The following ABCA6 variants were observed in gnomAD, a reference collection of about 807,000 sequenced individuals.
The protein encoded by ABCA6 is ATP-binding cassette sub-family A member 6.
ABCA6 carries 164 observed loss-of-function variants against 191.2 expected under a neutral mutation model. The observed-to-expected ratio is 0.86, with a 90% CI of 0.76 to 0.98. The LOEUF (loss-of-function observed/expected upper bound fraction) is 0.98. Among genes scored for constraint, ABCA6 ranks in the 50% least tolerant of loss-of-function variants. The pLI is 0.00. For missense variants in ABCA6, 1,958 were observed against 1,894.1 expected, an observed-to-expected ratio of 1.03 and a Z score of -0.63; for synonymous variants, 636 against 647.7, an observed-to-expected ratio of 0.98 and a Z score of 0.27.
chr17:69,134,000 C>G, intron 5 of ABCA6, 133 bp from the exon 6 acceptor site: 1 of 585,590 alleles, frequency 1.7e-6, no homozygotes, highest in Non-Finnish European at 2.9e-6. Flanking sequence ...GCAAGATGTT[C>G]CCAGTAAAGG....
At position 69,102,826 on chromosome 17, in the gene ABCA6, C is replaced by T. The variant is rs756626734; in HGVS notation, c.2874+9G>A. The T allele has an allele frequency of 1.9e-6, 3 of 1,566,620 alleles. No individual in the cohort carries two copies. Among genetic ancestry groups the T allele is most frequent in the Admixed American group, 2.1e-5 (1 of 47,830 alleles). On this transcript the variant is annotated intron_variant, in intron 21 of 38. Transcript: ENST00000284425. Reference sequence around the variant, plus strand: ...TGTTTTTTTCATAAAAGCAAAAAGGCAAACATACCTTTTGTTTACCAGAAA... The same window carrying T: ...TGTTTTTTTCATAAAAGCAAAAAGGTAAACATACCTTTTGTTTACCAGAAA...
At chr17:69,130,470 T>C (rs981200153) in intron 6 of ABCA6, among the ~76,000 whole-genome samples, 2 of 152,174 alleles carry the variant, frequency 1.3e-5, no homozygotes, top group Non-Finnish European at 2.9e-5. Flanking sequence ...AATAATATCA[T>C]ATGTATGTAT....
Position 69,086,752 on chromosome 17 carries a change from C to T in ABCA6, c.3820-17G>A. ...AACAGGTTTCTAGAAGAGATGACAG[C>T]ATGATTTTCCTCTTAAATTTCAGAG... On this transcript the variant is annotated splice_polypyrimidine_tract_variant and intron_variant, in intron 29 of 38. Transcript: ENST00000284425. The T allele has an allele frequency of 6.5e-7, 1 of 1,549,324 alleles. No individual in the cohort carries two copies. Among genetic ancestry groups the T allele is most frequent in the Non-Finnish European group, 8.9e-7 (1 of 1,127,958 alleles).
intron 3 of ABCA6, 22 bp from the exon 4 acceptor site, chr17:69,136,272 TA>T (rs1315622876): frequency 1.8e-5 from 26 of 1,461,142 alleles, no homozygotes; most frequent in Non-Finnish European, 2.3e-5. Flanking sequence ...AAGGTAAAAA[TA>T]GACATAGAAA....
At chr17:69,132,456 T>TTTTGTTTTTGTTTG (rs1263920883) in intron 6 of ABCA6, among the ~76,000 whole-genome samples, 25 of 152,112 alleles carry the variant, frequency 1.6e-4, no homozygotes, top group East Asian at 1.9e-4. Flanking sequence ...GGTGTTTTGT[T>TTTTGTTTTTGTTTG]TTTGTTTTTG....
At chr17:69,118,381 A>G (rs958862189) in intron 10 of ABCA6, among the ~76,000 whole-genome samples, 1 of 152,058 alleles carries the variant, frequency 6.6e-6, no homozygotes, top group Non-Finnish European at 1.5e-5. Flanking sequence ...GTTCTCTCTA[A>G]TAGTTCCTCT....
Position 69,106,086 on chromosome 17 carries a change from C to A in ABCA6, c.2515G>T (p.Ala839Ser), listed in dbSNP as rs746296259. 3.7e-6 allele frequency: 6 copies of A among 1,613,702 alleles called. No homozygotes were observed. In the Admixed American group the frequency reaches 1.0e-4, roughly 27 times the overall value. The change falls in exon 19 of 39, where the codon GCC becomes TCC. Residue 839 changes from alanine to serine, a missense_variant. Physicochemically the swap from Ala to Ser is moderately conservative, Grantham distance 99. Coordinates refer to ENST00000284425, the MANE Select transcript of ABCA6 (RefSeq NM_080284.3). Reference protein sequence around the residue: ...DMGLWRMQVFAMARLRFLKLK... With the variant: ...DMGLWRMQVFSMARLRFLKLK... ...TTTAAGAAACGGAGCCGTGCCATGG[C>A]AAAGACTTGCATTCTCCAGAGGCCC... is the stretch of plus-strand genomic sequence containing the variant.
At chr17:69,084,664 G>A (rs2072731399) in intron 32 of ABCA6, among the ~76,000 whole-genome samples, 157 bp from the exon 33 acceptor site, 1 of 108,954 alleles carries the variant, frequency 9.2e-6, no homozygotes, top group South Asian at 3.0e-4. Flanking sequence ...TTTGGAACAT[G>A]AAAGACTTTT....
chr17:69,092,909 A>T (rs1185594763), intron 25 of ABCA6, among the ~76,000 whole-genome samples: 2 of 152,254 alleles, frequency 1.3e-5, no homozygotes, highest in Non-Finnish European at 2.9e-5. Context: ...CATATTTAGA[A>T]ATAAATTATA....
At position 69,128,648 on chromosome 17, in the gene ABCA6, G is replaced by A. The variant is rs918951671; in HGVS notation, c.1090C>T (p.Pro364Ser). ...ATCATTCCAGTAGTAAAGGCAAAAG[G>A]GCTACAAATATTCAAAATCCACTCC... is the stretch of plus-strand genomic sequence containing the variant. ...SLEWILNICS[P>S]FAFTTGMIQI... Residue 364 changes from proline to serine, a missense_variant, in exon 8 of 39, where the codon CCT becomes TCT. Physicochemically the swap from Pro to Ser is moderately conservative, Grantham distance 74 (BLOSUM62 -1). Transcript: ENST00000284425. 2.5e-6 allele frequency: 4 copies of A among 1,612,600 alleles called. No homozygotes were observed. In the African/African-American group the frequency reaches 4.0e-5, roughly 16 times the overall value.
intron 10 of ABCA6, among the ~76,000 whole-genome samples, chr17:69,122,282 A>G (rs2073662402): frequency 6.6e-6 from 1 of 152,126 alleles, no homozygotes; most frequent in African/African-American, 2.4e-5. Flanking sequence ...GCACTAAGTA[A>G]ACATCTGTTA....
intron 10 of ABCA6, among the ~76,000 whole-genome samples, chr17:69,121,129 A>G (rs2073633328): frequency 6.6e-6 from 1 of 152,114 alleles, no homozygotes; most frequent in Non-Finnish European, 1.5e-5. Flanking sequence ...TGCCTTTTAT[A>G]TTCATACAAA....
intron 10 of ABCA6, among the ~76,000 whole-genome samples, chr17:69,122,408 C>T (rs1247532222): frequency 6.6e-6 from 1 of 152,048 alleles, no homozygotes; most frequent in Non-Finnish European, 1.5e-5. Flanking sequence ...CCCAAAACTG[C>T]TGAGTTAGAA....
chr17:69,136,475 G>A (rs2073950063), intron 3 of ABCA6, among the ~76,000 whole-genome samples: 1 of 152,152 alleles, frequency 6.6e-6, no homozygotes, highest in South Asian at 2.1e-4. Context: ...ATAATGACAA[G>A]TATCAGGGCA....
At chr17:69,082,361 A>G (rs1187771225) in intron 36 of ABCA6, among the ~76,000 whole-genome samples, 1 of 149,830 alleles carries the variant, frequency 6.7e-6, no homozygotes, top group Non-Finnish European at 1.5e-5. Context: ...ACACACACAC[A>G]CAGATATGTG....
Position 69,106,131 on chromosome 17 carries a change from G to C in ABCA6, c.2470C>G (p.Gln824Glu), listed in dbSNP as rs1025465446. The change falls in exon 19 of 39, where the codon CAG becomes GAG. Residue 824 changes from glutamine to glutamate, a missense_variant. Gln to Glu is a conservative substitution (Grantham distance 29). Transcript: ENST00000284425. The stretch of plus-strand genomic sequence containing the variant: ...AGGCCCATGTCACTCACAGCTGTCT[G>C]CATTTCAGAGAAGGAAGAGTGAGCC... ...ELAHSSFSEM[Q>E]TAVSDMGLWR... 1.8e-5 allele frequency: 29 copies of C among 1,613,756 alleles called. No individual in the cohort carries two copies. Among genetic ancestry groups the C allele is most frequent in the Non-Finnish European group, 2.0e-5 (24 of 1,179,876 alleles).
intron 18 of ABCA6, among the ~76,000 whole-genome samples, chr17:69,106,608 A>AT (rs1172519203): frequency 1.3e-5 from 2 of 151,568 alleles, no homozygotes; most frequent in East Asian, 3.9e-4. Flanking sequence ...AAAAAAAAAA[A>AT]AAAAGTTTTA....
chr17:69,110,629 C>G (rs1468130068), intron 17 of ABCA6, 172 bp downstream of exon 17: 1 of 686,696 alleles, frequency 1.5e-6, no homozygotes, highest in Non-Finnish European at 2.3e-6. Context: ...GGTGCTTCCA[C>G]GAAGCAACTA....
intron 28 of ABCA6, 103 bp downstream of exon 28, chr17:69,088,064 C>T: frequency 9.9e-7 from 1 of 1,006,742 alleles, no homozygotes; most frequent in Middle Eastern, 2.2e-4. Context: ...TCAACATGTG[C>T]TTCCACTGTA....
Sources: allele counts gnomAD v4.1 joint callset (sites outside exome capture counted in the v4.1 genomes callset), GRCh38; gene constraint gnomAD v4.1.1; transcripts MANE v1.5; gene names NCBI Gene and HGNC (gene_info 2026-07-23, HGNC 2026-07-21).